The following ZNF331 variants were observed in gnomAD, a reference collection of about 807,000 sequenced individuals.
ZNF331 encodes the protein C2H2-like zinc finger protein rearranged in thyroid adenomas.
ZNF331 carries 2 observed loss-of-function variants against 7.0 expected under a neutral mutation model. The observed-to-expected ratio is 0.29, with a 90% confidence interval of 0.12 to 0.90. ZNF331 has a LOEUF of 0.90. Among genes scored for constraint, ZNF331 ranks in the 40% least tolerant of loss-of-function variants. ZNF331 has a pLI of 0.58. For missense variants in ZNF331, 432 were observed against 587.7 expected, an observed-to-expected ratio of 0.74 and a Z score of 2.74; for synonymous variants, 196 against 205.4, an observed-to-expected ratio of 0.95 and a Z score of 0.39.
At chr19:53,515,553 A>G (rs949815271), upstream of ZNF331, among the ~76,000 whole-genome samples, 9 of 152,208 alleles carry the variant, frequency 5.9e-5, no homozygotes, top group African/African-American at 2.2e-4. Flanking sequence ...GCTGGAGTGC[A>G]ATGGCGCGAT....
At chr19:53,514,751 C>A (rs1354067987), upstream of ZNF331, among the ~76,000 whole-genome samples, 1 of 146,084 alleles carries the variant, frequency 6.8e-6, no homozygotes, top group African/African-American at 2.5e-5. Context: ...CCCGGGTTCA[C>A]GCCATCCTCC....
chr19:53,520,633 C>T (rs1187176709), upstream of ZNF331, among the ~76,000 whole-genome samples: 2 of 152,242 alleles, frequency 1.3e-5, no homozygotes, highest in Non-Finnish European at 2.9e-5. Context: ...AGCATTCTGA[C>T]GGCCGCGCTT....
At chr19:53,527,043 G>A (rs1482101864) in intron 2 of ZNF331, among the ~76,000 whole-genome samples, 1 of 151,894 alleles carries the variant, frequency 6.6e-6, no homozygotes, top group Non-Finnish European at 1.5e-5. Flanking sequence ...ACAAAAATTA[G>A]CCAGGCATGG....
At chr19:53,514,682 A>C (rs373255457), upstream of ZNF331, among the ~76,000 whole-genome samples, 3 of 128,304 alleles carry the variant, frequency 2.3e-5, no homozygotes, top group Admixed American at 8.0e-5. Flanking sequence ...ACAGAGTTTC[A>C]CACTGTCGCC....
At chr19:53,576,357 C>T (rs747979570) in intron 5 of ZNF331, among the ~76,000 whole-genome samples, 2 of 152,236 alleles carry the variant, frequency 1.3e-5, no homozygotes, top group African/African-American at 4.8e-5. Flanking sequence ...TACACACAGC[C>T]ATCCAACTGC....
At chr19:53,535,017 CCAAAAA>C (rs1471450728), upstream of ZNF331, among the ~76,000 whole-genome samples, 3 of 28,536 alleles carry the variant, frequency 1.1e-4, no homozygotes, top group African/African-American at 4.3e-4. Flanking sequence ...AAGCCTGTAA[CCAAAAA>C]AAAAAAAAAA....
At chr19:53,556,772 G>A (rs953418437) in intron 3 of ZNF331, among the ~76,000 whole-genome samples, 3 of 151,912 alleles carry the variant, frequency 2.0e-5, no homozygotes, top group Admixed American at 6.6e-5. Context: ...CAAGTAGCTG[G>A]GGCTACTGGT....
chr19:53,521,202 G>A (rs2087062368), exon 1 of ZNF331: 1 of 152,356 alleles, frequency 6.6e-6, no homozygotes, highest in South Asian at 2.1e-4. Flanking sequence ...TGCCTCCCAG[G>A]AGGAAGCCAG....
At chr19:53,535,370 G>A (rs541679792), upstream of ZNF331, among the ~76,000 whole-genome samples, 4 of 152,282 alleles carry the variant, frequency 2.6e-5, no homozygotes, top group South Asian at 8.3e-4. Flanking sequence ...GGGGTTACAG[G>A]TGTAAGCCAC....
intron 3 of ZNF331, among the ~76,000 whole-genome samples, chr19:53,557,983 G>GTGAC (rs2089544756): frequency 6.6e-6 from 1 of 152,080 alleles, no homozygotes; most frequent in East Asian, 1.9e-4. Context: ...AATAAGCTTT[G>GTGAC]TGACTAAATG....
At chr19:53,518,974 G>T (rs1600172045), upstream of ZNF331, among the ~76,000 whole-genome samples, 2 of 152,254 alleles carry the variant, frequency 1.3e-5, no homozygotes, top group African/African-American at 2.4e-5. Flanking sequence ...TCCTTATCTG[G>T]TTGGATGCAG....
chr19:53,546,160 A>AT (rs2088598823), intron 2 of ZNF331, among the ~76,000 whole-genome samples: 2 of 148,084 alleles, frequency 1.4e-5, no homozygotes, highest in African/African-American at 5.1e-5. Context: ...AAAAAAAAAA[A>AT]ATTATTATTT....
the ZNF331 span, among the ~76,000 whole-genome samples, chr19:53,513,024 C>A: frequency 6.6e-6 from 1 of 151,820 alleles, no homozygotes; most frequent in African/African-American, 2.4e-5. Flanking sequence ...GACCATGCTC[C>A]GGAGTCTCAG....
At position 53,577,043 on chromosome 19, in the gene ZNF331, T is replaced by C. The variant is rs1207683245; in HGVS notation, c.483T>C (p.Cys161=). The change falls in exon 6 of 6, where the codon TGT becomes TGC. Residue 161 remains cysteine, a synonymous_variant. Coordinates refer to ENST00000449416, the MANE Select transcript of ZNF331 (RefSeq NM_001079906.2). ...KIHTGEKPYE[C]KECKKAFRWG... is the part of the protein sequence containing the mutation. ...ATACTGGTGAGAAACCTTATGAATGTAAAGAATGTAAGAAGGCCTTCCGTT... is the reference window on the plus strand; with the variant it reads ...ATACTGGTGAGAAACCTTATGAATGCAAAGAATGTAAGAAGGCCTTCCGTT... 1.2e-6 allele frequency: 2 copies of C among 1,613,530 alleles called. No homozygotes were observed. Among genetic ancestry groups the C allele is most frequent in the South Asian group, 2.2e-5 (2 of 91,058 alleles).
intron 2 of ZNF331, among the ~76,000 whole-genome samples, chr19:53,526,987 G>A (rs1283593274): frequency 1.3e-5 from 2 of 151,588 alleles, no homozygotes; most frequent in Admixed American, 1.3e-4. Context: ...TCAGGAGTTT[G>A]AGACCAGCCT....
chr19:53,575,814 G>A (rs1295004986), intron 5 of ZNF331, among the ~76,000 whole-genome samples: 2 of 152,062 alleles, frequency 1.3e-5, no homozygotes, highest in Non-Finnish European at 2.9e-5. Flanking sequence ...CTCCGGAGTA[G>A]CTGGGATTAC....
chr19:53,525,636 G>C (rs2087264127), intron 2 of ZNF331, among the ~76,000 whole-genome samples: 1 of 152,170 alleles, frequency 6.6e-6, no homozygotes, highest in Non-Finnish European at 1.5e-5. Flanking sequence ...TTTTAATGTT[G>C]ACGTTGCATA....
At chr19:53,526,795 G>A (rs541293215) in intron 2 of ZNF331, among the ~76,000 whole-genome samples, 12 of 151,222 alleles carry the variant, frequency 7.9e-5, no homozygotes, top group Admixed American at 2.6e-4. Flanking sequence ...CTCGTGATCC[G>A]CCCACCTCGG....
chr19:53,531,653 G>T (rs2087544823), intron 2 of ZNF331, among the ~76,000 whole-genome samples: 1 of 152,180 alleles, frequency 6.6e-6, no homozygotes, highest in Non-Finnish European at 1.5e-5. Flanking sequence ...TTTAAGAGTG[G>T]AGTTTGAGCA....
Sources: gnomAD v4.1 joint callset for allele counts (sites outside exome capture counted in the v4.1 genomes callset) on GRCh38, gnomAD v4.1.1 for gene constraint, MANE v1.5 for transcripts, NCBI Gene and HGNC (gene_info 2026-07-23, HGNC 2026-07-21) for gene names.